NRXN1: variants seen among roughly 807,000 people sequenced by gnomAD.
The protein encoded by NRXN1 is neurexin-1.
In NRXN1, 39 loss-of-function variants were observed where a neutral mutation model predicts 150.9. That is an observed-to-expected ratio of 0.26 (90% CI 0.20 to 0.34). The LOEUF is 0.34. Ranked by LOEUF, NRXN1 falls within the 10% of genes least tolerant of loss-of-function variation. The pLI is 1.00. For missense variants in NRXN1, 1,815 were observed against 1,949.9 expected (o/e 0.93, Z 1.30); for synonymous variants, 924 against 757.0 (o/e 1.22, Z -3.62).
chr2:50,401,415 T>G (rs1398805646), intron 17 of NRXN1, among the ~76,000 whole-genome samples: 1 of 152,066 alleles, frequency 6.6e-6, no homozygotes, highest in Admixed American at 6.6e-5. Flanking sequence ...CATGTGTCCT[T>G]TGGCAAATGG....
At chr2:50,456,663 C>CT (rs1268914838) in intron 17 of NRXN1, among the ~76,000 whole-genome samples, 1 of 151,880 alleles carries the variant, frequency 6.6e-6, no homozygotes, top group African/African-American at 2.4e-5. Context: ...TTATCTTGAC[C>CT]TTTTTTCTGG....
chr2:49,996,175 T>A (rs17493005), intron 21 of NRXN1, among the ~76,000 whole-genome samples: 71,008 of 151,996 alleles, frequency 0.47, 17,245 homozygotes, highest in Middle Eastern at 0.6. Flanking sequence ...ATGAGAAGTA[T>A]AAATAAGGTA....
chr2:50,721,706 C>A (rs928998894), intron 5 of NRXN1, among the ~76,000 whole-genome samples: 1 of 151,916 alleles, frequency 6.6e-6, no homozygotes, highest in Non-Finnish European at 1.5e-5. Context: ...TTTACTGGAC[C>A]TTGTGGTATG....
intron 8 of NRXN1, among the ~76,000 whole-genome samples, chr2:50,607,960 G>C (rs1428041417): frequency 6.6e-6 from 1 of 151,920 alleles, no homozygotes; most frequent in East Asian, 1.9e-4. Context: ...TCTGCCCTCA[G>C]TGTAATCAGA....
In NRXN1 at chr2:50,472,371, A is replaced by G; in HGVS notation, c.3171T>C (p.Asp1057=). 1 of 1,612,268 alleles carries G rather than the reference A, an allele frequency of 6.2e-7. No homozygotes were observed. The highest frequency in any genetic ancestry group is 8.5e-7 in the Non-Finnish European group (1 of 1,178,864). The part of the protein sequence containing the change: ...EGFQGCLASV[D]LNGRLPDLIS... ...TGAGGTCCGGAAGCCGTCCATTTAA[A>G]TCAACTGATGCCAGGCAGCCTTGAA... Residue 1057 remains aspartate (D), a synonymous_variant, in exon 16 of 23, where the codon GAT becomes GAC. Transcript: ENST00000401669.
Position 50,453,116 on chromosome 2 carries a change from T to G in NRXN1, c.3364+12326A>C, listed in dbSNP as rs139811565. ...AAAATTTCTTTGGGAACAACTTTCA[T>G]TCTATTAAAGTCTTTCATTATCTGG... On this transcript the variant is annotated intron_variant, in intron 17 of 22. Coordinates refer to ENST00000401669, the MANE Select transcript of NRXN1 (RefSeq NM_001330078.2). Among the ~76,000 whole-genome samples the G allele has an allele frequency of 1.8e-4, 27 of 152,340 alleles. No homozygotes were observed. In the East Asian group the frequency reaches 5.2e-3, roughly 29 times the overall value.
intron 18 of NRXN1, among the ~76,000 whole-genome samples, chr2:50,093,849 G>A (rs115409025): frequency 0.012 from 1,831 of 151,936 alleles, 50 homozygotes; most frequent in African/African-American, 0.042. Context: ...CGCACAGCTG[G>A]AAAGAGAAAA....
chr2:50,328,858 C>T (rs1019302376), intron 17 of NRXN1, among the ~76,000 whole-genome samples: 1 of 152,178 alleles, frequency 6.6e-6, no homozygotes, highest in Non-Finnish European at 1.5e-5. Context: ...GCCTCATGCA[C>T]TTGACTCCTG....
At chr2:50,126,575 G>A (rs1258340638) in intron 18 of NRXN1, among the ~76,000 whole-genome samples, 12 of 152,102 alleles carry the variant, frequency 7.9e-5, no homozygotes, top group Admixed American at 7.9e-4. Flanking sequence ...TTTGGAATCA[G>A]TGTACTTTAT....
chr2:50,019,943 G>A lies in NRXN1; in HGVS notation c.4128+33328C>T, dbSNP rs1361129760. Among the ~76,000 whole-genome samples, 7 of 25,606 alleles carry A rather than the reference G, an allele frequency of 2.7e-4. 1 individual carries two copies. The highest frequency in any genetic ancestry group is 1.2e-3 in the Admixed American group (2 of 1,714). 16.8% of individuals were successfully genotyped at this position (25,606 alleles called of 152,430 possible). ...GGCCTGGGTGACAAAGCAAGACTCC[G>A]TCTCAAAAAAAAAAAAAAAAAAAAA... is the stretch of plus-strand genomic sequence containing the variant. On this transcript the variant is annotated intron_variant, in intron 21 of 22. Coordinates refer to ENST00000401669, the MANE Select transcript of NRXN1 (RefSeq NM_001330078.2).
intron 17 of NRXN1, among the ~76,000 whole-genome samples, chr2:50,317,617 A>T (rs534762762): frequency 2.0e-5 from 3 of 152,132 alleles, no homozygotes; most frequent in African/African-American, 7.2e-5. Flanking sequence ...TGAAACATCT[A>T]AATAATGTAT....
chr2:50,537,272 T>C (rs939746852), intron 10 of NRXN1, among the ~76,000 whole-genome samples: 3 of 152,108 alleles, frequency 2.0e-5, no homozygotes, highest in Non-Finnish European at 4.4e-5. Context: ...AATAAAGCAA[T>C]GTTATTTGTA....
chr2:50,395,922 T>C (rs986239759), intron 17 of NRXN1, among the ~76,000 whole-genome samples: 7 of 152,142 alleles, frequency 4.6e-5, no homozygotes, highest in Admixed American at 3.9e-4. Context: ...GATGACTCAG[T>C]TCATCCAAAT....
chr2:50,793,612 A>G (rs1333359661), intron 5 of NRXN1, among the ~76,000 whole-genome samples: 1 of 152,146 alleles, frequency 6.6e-6, no homozygotes, highest in Non-Finnish European at 1.5e-5. Context: ...TCTTTCAAAG[A>G]TATACAGAAA....
rs528396645 is a variant in NRXN1, at chr2:50,592,588, G to A, written c.1320+27434C>T. On this transcript the variant is annotated intron_variant, in intron 8 of 22. Coordinates refer to ENST00000401669, the MANE Select transcript of NRXN1 (RefSeq NM_001330078.2). The stretch of plus-strand genomic sequence containing the variant: ...ACAGAGCTTGCTCTTGGCTTAGGGA[G>A]TAAAAAGTGAAAAGACTTCCAAGGA... Among the ~76,000 whole-genome samples, 40 of 152,298 alleles carry A rather than the reference G, an allele frequency of 2.6e-4. No homozygotes were observed. The South Asian group carries it at 7.9e-3, about 30-fold the overall frequency.
chr2:50,331,403 G>A (rs1246977372), intron 17 of NRXN1, among the ~76,000 whole-genome samples: 1 of 152,116 alleles, frequency 6.6e-6, no homozygotes, highest in Non-Finnish European at 1.5e-5. Context: ...AGAATGCAGA[G>A]TGAGATTTAA....
At chr2:50,528,880 A>G in intron 11 of NRXN1, 1 of 443,062 alleles carries the variant, frequency 2.3e-6, no homozygotes, top group Non-Finnish European at 4.1e-6. Flanking sequence ...ACAAAGCTAC[A>G]TGGTGACAAA....
At chr2:50,120,986 T>C (rs776453593) in intron 18 of NRXN1, among the ~76,000 whole-genome samples, 2 of 152,222 alleles carry the variant, frequency 1.3e-5, no homozygotes, top group Non-Finnish European at 2.9e-5. Context: ...ACTTACAATA[T>C]GCCAGACAAT....
chr2:50,198,062 C>T (rs2061892792), intron 18 of NRXN1, among the ~76,000 whole-genome samples: 1 of 152,102 alleles, frequency 6.6e-6, no homozygotes, highest in Admixed American at 6.6e-5. Flanking sequence ...TTCCCTATGC[C>T]ATTATCCATC....
Sources: gnomAD v4.1 joint callset for allele counts (sites outside exome capture counted in the v4.1 genomes callset) on GRCh38, gnomAD v4.1.1 for gene constraint, MANE v1.5 for transcripts, NCBI Gene and HGNC (gene_info 2026-07-23, HGNC 2026-07-21) for gene names.